BIRC6: variants seen among roughly 807,000 people sequenced by gnomAD.
BIRC6 encodes the protein dual E2 ubiquitin-conjugating enzyme/E3 ubiquitin-protein ligase BIRC6.
In BIRC6, 98 loss-of-function variants were observed where a neutral mutation model predicts 503.3. The ratio of observed to expected loss-of-function variants is 0.19; its 90% CI spans 0.17 to 0.23. BIRC6 has a LOEUF of 0.23. Among genes scored for constraint, BIRC6 ranks in the 10% least tolerant of loss-of-function variants. The pLI is 1.00. For synonymous variants in BIRC6, 2,240 were observed against 2,078.7 expected, an observed-to-expected ratio of 1.08 and a Z score of -2.11; for missense variants, 5,360 against 5,806.0, an observed-to-expected ratio of 0.92 and a Z score of 2.50.
intron 66 of BIRC6, among the ~76,000 whole-genome samples, chr2:32,592,197 T>A (rs1309857657): frequency 6.6e-6 from 1 of 152,208 alleles, no homozygotes; most frequent in Non-Finnish European, 1.5e-5. Context: ...GTGTACAGTA[T>A]AACATCTGCC....
intron 3 of BIRC6, among the ~76,000 whole-genome samples, chr2:32,380,835 T>G (rs2037531698): frequency 6.6e-6 from 1 of 152,214 alleles, no homozygotes; most frequent in Non-Finnish European, 1.5e-5. Flanking sequence ...TCCTTAAATC[T>G]TTCTTAGTGC....
chr2:32,445,412 G>A (rs1574256919), intron 20 of BIRC6, 109 bp from the exon 21 acceptor site: 2 of 1,103,884 alleles, frequency 1.8e-6, no homozygotes, highest in Non-Finnish European at 2.5e-6. Flanking sequence ...AGAAAAGGGA[G>A]TATCTTTCTA....
Position 32,464,769 on chromosome 2 carries a change from T to A in BIRC6, c.5202T>A (p.Asp1734Glu), listed in dbSNP as rs766001551. 2.5e-6 allele frequency: 4 copies of A among 1,613,942 alleles called. No individual in the cohort carries two copies. The highest frequency in any genetic ancestry group is 3.4e-6 in the Non-Finnish European group (4 of 1,179,862). The stretch of plus-strand genomic sequence containing the variant: ...AGCTTTTCCCAGGCTCAGTCATTGA[T>A]CCCCCAGCAGTCAATCTTGCTGCAC... ...LAQLFPGSVI[D>E]PPAVNLAAHN... Residue 1734 changes from aspartate (D) to glutamate (E), a missense_variant, in exon 25 of 74, where the codon GAT becomes GAA. Around this residue, in one of 16 missense-constraint regions of BIRC6, gnomAD observed 2,299 missense variants for 2,267.2 expected, o/e 1.01. Coordinates refer to ENST00000421745, the MANE Select transcript of BIRC6 (RefSeq NM_016252.4).
intron 37 of BIRC6, among the ~76,000 whole-genome samples, chr2:32,480,740 C>G (rs1326213217): frequency 7.1e-6 from 1 of 141,388 alleles, no homozygotes; most frequent in African/African-American, 2.6e-5. Flanking sequence ...CTCCTGGGTT[C>G]AAGCGATTCT....
intron 17 of BIRC6, 21 bp from the exon 18 acceptor site, chr2:32,442,044 T>G (rs753216362): frequency 1.0e-5 from 15 of 1,500,598 alleles, no homozygotes; most frequent in Non-Finnish European, 1.3e-5. Context: ...GGTAATGTGT[T>G]TATATTTTCT....
intron 9 of BIRC6, among the ~76,000 whole-genome samples, chr2:32,410,219 T>C (rs898785808): frequency 6.6e-6 from 1 of 152,216 alleles, no homozygotes; most frequent in African/African-American, 2.4e-5. Context: ...GGATTTATTG[T>C]GGTATAGTAC....
At chr2:32,516,160 T>G (rs1370324542) in intron 55 of BIRC6, among the ~76,000 whole-genome samples, 1 of 152,202 alleles carries the variant, frequency 6.6e-6, no homozygotes, top group Non-Finnish European at 1.5e-5. Flanking sequence ...AGTTTGCTTC[T>G]CTTTACATGG....
At position 32,468,083 on chromosome 2, in the gene BIRC6, G is replaced by T; in HGVS notation, c.5752G>T (p.Val1918Phe). Reference protein sequence around the residue: ...PEIDQHLAMMVALQEDIQCRY... With the variant: ...PEIDQHLAMMFALQEDIQCRY... Reference sequence around the variant, plus strand: ...AATTGACCAGCATTTAGCAATGATGGTTGCTTTGCAGGAGGATATACAGTG... The same window carrying T: ...AATTGACCAGCATTTAGCAATGATGTTTGCTTTGCAGGAGGATATACAGTG... The change falls in exon 28 of 74, where the codon GTT becomes TTT. Residue 1918 changes from valine to phenylalanine, a missense_variant. Val to Phe is a conservative substitution (Grantham distance 50, BLOSUM62 -1). This residue lies in a region of BIRC6 where 2,299 missense variants were observed against 2,267.2 expected (regional missense o/e 1.01). Transcript: ENST00000421745. The T allele has an allele frequency of 6.2e-7, 1 of 1,613,902 alleles. No homozygotes were observed. Among genetic ancestry groups the T allele is most frequent in the Non-Finnish European group, 8.5e-7 (1 of 1,179,850 alleles).
intron 73 of BIRC6, among the ~76,000 whole-genome samples, chr2:32,613,029 A>C (rs1182020347): frequency 6.6e-6 from 1 of 152,090 alleles, no homozygotes; most frequent in African/African-American, 2.4e-5. Flanking sequence ...TCTCAACGCC[A>C]GTGACCCTGG....
At chr2:32,377,848 A>G (rs1315019350) in intron 2 of BIRC6, 79 bp downstream of exon 2, 2 of 1,278,548 alleles carry the variant, frequency 1.6e-6, no homozygotes, top group Non-Finnish European at 2.1e-6. Flanking sequence ...AAATTAAGTC[A>G]TCCTTTAAGG....
At chr2:32,428,302 A>G (rs940750348) in intron 10 of BIRC6, among the ~76,000 whole-genome samples, 1 of 152,234 alleles carries the variant, frequency 6.6e-6, no homozygotes, top group Non-Finnish European at 1.5e-5. Flanking sequence ...TTCTCTCACT[A>G]CATGTAATTC....
At position 32,471,100 on chromosome 2, in the gene BIRC6, G is replaced by A. The variant is rs776021615; in HGVS notation, c.6568G>A (p.Ala2190Thr). ...TGTGGCAACTGTTGAAGATGAAGCA[G>A]CAGCTGCAAAGAAACCTTTGAATGG... is the stretch of plus-strand genomic sequence containing the variant. ...DYVATVEDEA[A>T]AAKKPLNGNQ... Residue 2190 changes from alanine to threonine, a missense_variant, in exon 32 of 74, where the codon GCA becomes ACA. By Grantham distance (58) the Ala-to-Thr change is moderately conservative (BLOSUM62 0). Coordinates refer to ENST00000421745, the MANE Select transcript of BIRC6 (RefSeq NM_016252.4). The A allele has an allele frequency of 2.3e-5, 37 of 1,576,348 alleles. No individual in the cohort carries two copies. In the Admixed American group the frequency reaches 3.9e-4, roughly 16 times the overall value.
intron 38 of BIRC6, 29 bp from the exon 39 acceptor site, chr2:32,482,400 A>G: frequency 6.2e-7 from 1 of 1,601,820 alleles, no homozygotes; most frequent in Non-Finnish European, 8.5e-7. Flanking sequence ...GGCAAAAATA[A>G]ACCACAGTTT....
In BIRC6 at chr2:32,617,909, C is replaced by T; in HGVS notation, c.*5C>T. 1 of 1,607,738 alleles carries T rather than the reference C, an allele frequency of 6.2e-7. No individual in the cohort carries two copies. The highest frequency in any genetic ancestry group is 1.1e-5 in the South Asian group (1 of 90,576). On this transcript the variant is annotated 3_prime_UTR_variant, in exon 74 of 74. Transcript: ENST00000421745. ...CCCAGTGACTTCCAGTTATGAGCTG[C>T]ATTGATGTGGACTTCATAGACACAA...
At chr2:32,416,466 C>A (rs1016438622) in intron 10 of BIRC6, among the ~76,000 whole-genome samples, 29 of 151,256 alleles carry the variant, frequency 1.9e-4, no homozygotes, top group African/African-American at 6.8e-4. Flanking sequence ...AAATTTATGA[C>A]CTTGGGCAAG....
In BIRC6 at chr2:32,545,868, C is replaced by A; in HGVS notation, c.12810+8C>A. 6.2e-7 allele frequency: 1 copy of A among 1,605,692 alleles called. No homozygotes were observed. The highest frequency in any genetic ancestry group is 8.5e-7 in the Non-Finnish European group (1 of 1,172,648). On this transcript the variant is annotated splice_region_variant and intron_variant, in intron 63 of 73. Transcript: ENST00000421745. ...AGCGTGAATCAAACTGAGGTAGGTT[C>A]ACTTTTAATTATTTCAGTTATTAAA...
rs1395187638 is a variant in BIRC6 at position 32,618,016 on chromosome 2, A to C, written c.*112A>C. ...TAATAGGTAATGAAACTGAAACTAT[A>C]CTATGCCCTTAAGGAGATCCAGTTT... is the stretch of plus-strand genomic sequence containing the variant. On this transcript the variant is annotated 3_prime_UTR_variant, in exon 74 of 74. Transcript: ENST00000421745. 1.9e-6 allele frequency: 2 copies of C among 1,068,500 alleles called. No individual in the cohort carries two copies. Among genetic ancestry groups the C allele is most frequent in the African/African-American group, 3.2e-5 (2 of 62,806 alleles). 66.2% of individuals were successfully genotyped at this position (1,068,500 alleles called of 1,614,324 possible). A position where few individuals can be genotyped will look rare whatever the true frequency, so the allele number is the denominator to read the frequency against.
At chr2:32,382,943 C>T (rs1013089448) in intron 3 of BIRC6, among the ~76,000 whole-genome samples, 86 of 151,346 alleles carry the variant, frequency 5.7e-4, no homozygotes, top group African/African-American at 2.0e-3. Context: ...AGGCTGGTCT[C>T]GAACTCCTGA....
chr2:32,568,269 T>C (rs1215090649), intron 65 of BIRC6, among the ~76,000 whole-genome samples: 4 of 150,844 alleles, frequency 2.7e-5, no homozygotes, highest in Non-Finnish European at 5.9e-5. Context: ...GGCAGGTAGA[T>C]TGCCTGAGCT....
Sources: gnomAD v4.1 joint callset for allele counts (sites outside exome capture counted in the v4.1 genomes callset) on GRCh38, gnomAD v4.1.1 for gene constraint, gnomAD v4.1.1 regional missense constraint, MANE v1.5 for transcripts, NCBI Gene and HGNC (gene_info 2026-07-23, HGNC 2026-07-21) for gene names.